UBE4B: variants seen among roughly 807,000 people sequenced by gnomAD.
UBE4B encodes the protein ubiquitination factor E4B.
UBE4B carries 27 observed loss-of-function variants against 148.1 expected under a neutral mutation model. The observed-to-expected ratio is 0.18, with a 90% CI of 0.13 to 0.25. The LOEUF (loss-of-function observed/expected upper bound fraction) is 0.25. UBE4B is among the 10% of genes least tolerant of loss of function. The pLI, the probability that UBE4B is intolerant of heterozygous loss-of-function variation, is 1.00. For synonymous variants in UBE4B, 596 were observed against 619.3 expected, an observed-to-expected ratio of 0.96 and a Z score of 0.56; for missense variants, 1,170 against 1,662.4, an observed-to-expected ratio of 0.70 and a Z score of 5.15.
Position 10,033,382 on chromosome 1 carries a change from T to TA in UBE4B, c.-287dup, listed in dbSNP as rs138441079. On this transcript the variant is annotated 5_prime_UTR_variant, in exon 1 of 28. Transcript: ENST00000343090. ...GGGTAACCTGGGAAGCAGAGGGTAATAAGTGGCGCCTTAAGACAACCCTGT... is the reference window on the plus strand; with the variant it reads ...GGGTAACCTGGGAAGCAGAGGGTAATAAAGTGGCGCCTTAAGACAACCCTGT... The TA allele has an allele frequency of 4.5e-3, 1,460 of 325,592 alleles. 18 individuals are homozygous for TA. Among genetic ancestry groups the TA allele is most frequent in the African/African-American group, 0.028 (1,305 of 47,162 alleles). 20.2% of individuals were successfully genotyped at this position (325,592 alleles called of 1,614,324 possible). A position where few individuals can be genotyped will look rare whatever the true frequency, so the allele number is the denominator to read the frequency against.
intron 1 of UBE4B, among the ~76,000 whole-genome samples, chr1:10,065,547 A>T (rs187671475): frequency 6.6e-6 from 1 of 152,286 alleles, no homozygotes; most frequent in East Asian, 1.9e-4. Flanking sequence ...TGTGAACACA[A>T]TTGAATGTGT....
chr1:10,097,219 A>T (rs1307838190), intron 3 of UBE4B, among the ~76,000 whole-genome samples: 3 of 152,088 alleles, frequency 2.0e-5, no homozygotes, highest in African/African-American at 7.2e-5. Context: ...AGAACAAAGC[A>T]GATGAAAAAT....
At chr1:10,150,895 C>T (rs1045576856) in intron 20 of UBE4B, among the ~76,000 whole-genome samples, 2 of 147,994 alleles carry the variant, frequency 1.4e-5, no homozygotes, top group Non-Finnish European at 3.0e-5. Context: ...GGCGCAGTGG[C>T]TCATGCCTGT....
At chr1:10,058,151 T>C (rs1644213174) in intron 1 of UBE4B, among the ~76,000 whole-genome samples, 1 of 152,252 alleles carries the variant, frequency 6.6e-6, no homozygotes, top group Admixed American at 6.5e-5. Context: ...AAGCACTAGA[T>C]ACTTTAGGGT....
At chr1:10,038,725 A>C (rs527841274) in intron 1 of UBE4B, among the ~76,000 whole-genome samples, 3 of 152,308 alleles carry the variant, frequency 2.0e-5, no homozygotes, top group Non-Finnish European at 4.4e-5. Context: ...GCATGAATGC[A>C]TTCATGATGT....
chr1:10,146,263 C>T (rs990421476), intron 18 of UBE4B, among the ~76,000 whole-genome samples: 6 of 152,076 alleles, frequency 3.9e-5, no homozygotes, highest in Non-Finnish European at 7.4e-5. Flanking sequence ...ACCAGCCTGG[C>T]CAACATGGTG....
intron 1 of UBE4B, among the ~76,000 whole-genome samples, chr1:10,042,492 C>A (rs773575953): frequency 6.6e-6 from 1 of 151,136 alleles, no homozygotes; most frequent in South Asian, 2.1e-4. Context: ...ACTAAAAATA[C>A]AAAAATTAGC....
chr1:10,147,202 A>G, intron 19 of UBE4B, 112 bp downstream of exon 19: 10 of 1,520,912 alleles, frequency 6.6e-6, no homozygotes, highest in Non-Finnish European at 8.9e-6. Context: ...TCAAGAATTC[A>G]CTTCTCTGCA....
intron 2 of UBE4B, among the ~76,000 whole-genome samples, chr1:10,086,280 T>C (rs1557540522): frequency 6.6e-6 from 1 of 152,058 alleles, no homozygotes; most frequent in Non-Finnish European, 1.5e-5. Flanking sequence ...CAATTTTTTG[T>C]ATTTTTTAGC....
intron 1 of UBE4B, among the ~76,000 whole-genome samples, chr1:10,053,715 A>C (rs1033587872): frequency 7.3e-5 from 11 of 151,244 alleles, no homozygotes; most frequent in Admixed American, 2.0e-4. Context: ...AGGTCTTGCT[A>C]TGTCACCCAG....
intron 2 of UBE4B, chr1:10,072,446 TCAAACAG>T: frequency 1.5e-6 from 1 of 682,406 alleles, no homozygotes; most frequent in Admixed American, 2.8e-5. Context: ...TTTTTTTTTT[TCAAACAG>T]GTTTAGGTAT....
chr1:10,174,267 G>A (rs61782939), intron 25 of UBE4B, among the ~76,000 whole-genome samples: 3,120 of 151,904 alleles, frequency 0.021, 89 homozygotes, highest in African/African-American at 0.07. Flanking sequence ...AGTGGAAGGC[G>A]GCTGTAATTC....
At chr1:10,053,602 A>G (rs972450752) in intron 1 of UBE4B, among the ~76,000 whole-genome samples, 2 of 152,014 alleles carry the variant, frequency 1.3e-5, no homozygotes, top group African/African-American at 4.8e-5. Flanking sequence ...GCACCTATCA[A>G]CCCATCACTT....
intron 3 of UBE4B, among the ~76,000 whole-genome samples, chr1:10,097,615 G>A (rs1197289591): frequency 1.3e-5 from 2 of 152,136 alleles, no homozygotes; most frequent in Non-Finnish European, 1.5e-5. Flanking sequence ...TTCGAGACCA[G>A]CCTGGCCAAC....
chr1:10,121,839 T>C (rs1645416071), intron 9 of UBE4B, 123 bp from the exon 10 acceptor site: 1 of 566,660 alleles, frequency 1.8e-6, no homozygotes, highest in African/African-American at 1.9e-5. Context: ...GAAACTATTT[T>C]GCAGAATATT....
intron 1 of UBE4B, among the ~76,000 whole-genome samples, chr1:10,043,001 AT>A (rs1441768857): frequency 6.7e-6 from 1 of 149,860 alleles, no homozygotes; most frequent in African/African-American, 2.5e-5. Context: ...AAAGTCATTC[AT>A]TCTTTTTTTT....
intron 2 of UBE4B, among the ~76,000 whole-genome samples, chr1:10,087,537 A>G (rs1644784179): frequency 6.6e-6 from 1 of 152,220 alleles, no homozygotes; most frequent in South Asian, 2.1e-4. Context: ...GAAGAATACT[A>G]GTCATTACTT....
chr1:10,037,614 A>G (rs6693449), intron 1 of UBE4B, among the ~76,000 whole-genome samples: 50,851 of 151,952 alleles, frequency 0.33, 12,724 homozygotes, highest in African/African-American at 0.7. Context: ...CTGGAATGCA[A>G]TGGCATGATC....
At chr1:10,060,035 T>C (rs898304517) in intron 1 of UBE4B, among the ~76,000 whole-genome samples, 1 of 152,040 alleles carries the variant, frequency 6.6e-6, no homozygotes, top group South Asian at 2.1e-4. Context: ...AGCCTGTTTG[T>C]ATTCCTGGGA....
Sources: gnomAD v4.1 joint callset for allele counts (sites outside exome capture counted in the v4.1 genomes callset) on GRCh38, gnomAD v4.1.1 for gene constraint, MANE v1.5 for transcripts, NCBI Gene and HGNC (gene_info 2026-07-23, HGNC 2026-07-21) for gene names.